Variants in FAM107B observed in about 807,000 individuals in gnomAD.
FAM107B encodes the protein family with sequence similarity 107 member B.
In FAM107B, 21 loss-of-function variants were observed where a neutral mutation model predicts 31.5. The observed-to-expected ratio is 0.67, with a 90% CI of 0.47 to 0.96. The LOEUF is 0.96. FAM107B is among the 40% of genes least tolerant of loss of function. FAM107B has a pLI of 0.00. For missense variants in FAM107B, 452 were observed against 377.1 expected, an observed-to-expected ratio of 1.20 and a Z score of -1.64; for synonymous variants, 157 against 141.5, an observed-to-expected ratio of 1.11 and a Z score of -0.78.
intron 1 of FAM107B, among the ~76,000 whole-genome samples, chr10:14,751,790 C>T (rs1348073554): frequency 1.3e-5 from 2 of 152,120 alleles, no homozygotes; most frequent in African/African-American, 2.4e-5. Context: ...GGGCCAAGAG[C>T]TTGAGGAAGT....
At chr10:14,592,797 C>T (rs577003131) in intron 2 of FAM107B, among the ~76,000 whole-genome samples, 7 of 152,338 alleles carry the variant, frequency 4.6e-5, no homozygotes, top group African/African-American at 1.7e-4. Flanking sequence ...ACACTGGTAG[C>T]CTGGGCAGCT....
intron 1 of FAM107B, among the ~76,000 whole-genome samples, chr10:14,720,280 A>G (rs1376687574): frequency 6.6e-6 from 1 of 151,998 alleles, no homozygotes; most frequent in Non-Finnish European, 1.5e-5. Flanking sequence ...TTGAGAAGGA[A>G]TCTCACTCTG....
chr10:14,583,871 GGACACAATACAAAGTACAAAAC>G (rs1318355834), intron 2 of FAM107B, among the ~76,000 whole-genome samples: 1 of 152,116 alleles, frequency 6.6e-6, no homozygotes, highest in African/African-American at 2.4e-5. Flanking sequence ...CCAGGGCCTG[GGACACAATACAAAGTACAAAAC>G]GACACTCTCC....
intron 1 of FAM107B, among the ~76,000 whole-genome samples, chr10:14,772,034 T>A (rs985180810): frequency 4.3e-4 from 66 of 152,296 alleles, no homozygotes; most frequent in African/African-American, 1.5e-3. Context: ...TAAGCATCCA[T>A]GCCCTCCTCT....
chr10:14,616,907 A>G (rs1852867562), intron 2 of FAM107B, among the ~76,000 whole-genome samples: 1 of 152,194 alleles, frequency 6.6e-6, no homozygotes, highest in South Asian at 2.1e-4. Context: ...TGACACAGGG[A>G]GACCCTGTCT....
chr10:14,757,657 A>C (rs1054559003), intron 1 of FAM107B, among the ~76,000 whole-genome samples: 1 of 152,216 alleles, frequency 6.6e-6, no homozygotes, highest in African/African-American at 2.4e-5. Flanking sequence ...TGAGACCTTA[A>C]GGCTGCAATG....
intron 2 of FAM107B, among the ~76,000 whole-genome samples, chr10:14,577,573 T>C (rs557529327): frequency 1.1e-3 from 172 of 152,362 alleles, no homozygotes; most frequent in African/African-American, 3.9e-3. Context: ...CAGATCAATA[T>C]CAGAGTGTTA....
chr10:14,678,747 G>A (rs1048759354), intron 1 of FAM107B, among the ~76,000 whole-genome samples: 10 of 152,196 alleles, frequency 6.6e-5, no homozygotes, highest in African/African-American at 2.4e-4. Flanking sequence ...TGACTAGCAT[G>A]TTGGAAAGAG....
At chr10:14,636,062 A>G (rs1303065422) in intron 2 of FAM107B, among the ~76,000 whole-genome samples, 2 of 152,170 alleles carry the variant, frequency 1.3e-5, no homozygotes, top group Admixed American at 1.3e-4. Context: ...CTATGAGAAA[A>G]TGTGTTCCAA....
chr10:14,761,702 C>A (rs1029678514), intron 1 of FAM107B, among the ~76,000 whole-genome samples: 2 of 152,020 alleles, frequency 1.3e-5, no homozygotes, highest in Non-Finnish European at 2.9e-5. Flanking sequence ...CAGATTCAAG[C>A]GATTCTCCCA....
chr10:14,764,195 G>A (rs1366567564), intron 1 of FAM107B, among the ~76,000 whole-genome samples: 2 of 152,218 alleles, frequency 1.3e-5, no homozygotes, highest in African/African-American at 4.8e-5. Flanking sequence ...AGTTTTAAAA[G>A]TCAACTTCTC....
chr10:14,627,931 C>A (rs937380889), intron 2 of FAM107B, among the ~76,000 whole-genome samples: 1 of 151,850 alleles, frequency 6.6e-6, no homozygotes, highest in Admixed American at 6.6e-5. Flanking sequence ...AGAGTAACTA[C>A]GAAGGGTAGG....
chr10:14,681,018 T>G (rs1176196129), intron 1 of FAM107B, among the ~76,000 whole-genome samples: 1 of 152,208 alleles, frequency 6.6e-6, no homozygotes, highest in Non-Finnish European at 1.5e-5. Flanking sequence ...TCAGGGAGAC[T>G]CTGGGGTCCT....
Position 14,573,844 on chromosome 10 carries a change from T to C in FAM107B, c.470-43329A>G, listed in dbSNP as rs151231745. Among the ~76,000 whole-genome samples, 14 of 152,260 alleles carry C rather than the reference T, an allele frequency of 9.2e-5. No homozygotes were observed. The East Asian group carries it at 2.7e-3, about 29-fold the overall frequency. On this transcript the variant is annotated intron_variant, in intron 2 of 4. Transcript: ENST00000181796. Reference sequence around the variant, plus strand: ...CAACAGCATCTATAAACAATGCTGTTTGACTCACACTTGATTCACTTGGAT... The same window carrying C: ...CAACAGCATCTATAAACAATGCTGTCTGACTCACACTTGATTCACTTGGAT...
At chr10:14,657,005 G>A (rs995301554) in intron 2 of FAM107B, among the ~76,000 whole-genome samples, 1 of 152,306 alleles carries the variant, frequency 6.6e-6, no homozygotes, top group South Asian at 2.1e-4. Flanking sequence ...ACAATGTCAA[G>A]GCTAAACAGC....
chr10:14,694,940 T>C (rs7895430), intron 1 of FAM107B, among the ~76,000 whole-genome samples: 7,579 of 152,272 alleles, frequency 0.05, 624 homozygotes, highest in African/African-American at 0.17. Flanking sequence ...TTTTTCCCAA[T>C]GTATAGGTTG....
intron 2 of FAM107B, among the ~76,000 whole-genome samples, chr10:14,587,947 T>C (rs1245101303): frequency 2.0e-5 from 3 of 152,192 alleles, no homozygotes; most frequent in African/African-American, 7.2e-5. Flanking sequence ...AACTCCAGCA[T>C]GGGACAATTA....
At chr10:14,719,604 G>A (rs1039765387) in intron 1 of FAM107B, among the ~76,000 whole-genome samples, 2 of 152,164 alleles carry the variant, frequency 1.3e-5, no homozygotes, top group Non-Finnish European at 2.9e-5. Flanking sequence ...CCTTGCGTAC[G>A]GCCTTCCTGC....
At chr10:14,767,319 T>C (rs1833203417) in intron 1 of FAM107B, among the ~76,000 whole-genome samples, 1 of 151,542 alleles carries the variant, frequency 6.6e-6, no homozygotes, top group African/African-American at 2.4e-5. Context: ...CTCGAACTCC[T>C]GACCTCATAT....
Sources: allele counts gnomAD v4.1 joint callset (sites outside exome capture counted in the v4.1 genomes callset), GRCh38; gene constraint gnomAD v4.1.1; transcripts MANE v1.5; gene names NCBI Gene and HGNC (gene_info 2026-07-23, HGNC 2026-07-21).